Variants in LOC112694756 observed in about 807,000 individuals in gnomAD.
chr16:30,068,841 T>A, the LOC112694756 span: 1 of 1,614,094 alleles, frequency 6.2e-7, no homozygotes, highest in Non-Finnish European at 8.5e-7. Context: ...GTCTGAGCGC[T>A]GTGCCCAGTA....
At chr16:30,054,859 G>A in the LOC112694756 span, 3 of 399,208 alleles carry the variant, frequency 7.5e-6, no homozygotes, top group East Asian at 3.6e-5. Context: ...CCCTGCCATC[G>A]TCTTCATCGC....
At chr16:30,067,025 C>CA in the LOC112694756 span, 3 of 1,576,524 alleles carry the variant, frequency 1.9e-6, no homozygotes, top group Non-Finnish European at 2.6e-6. Context: ...CAGCACCAGA[C>CA]AGAGTTAGGA....
the LOC112694756 span, chr16:30,066,760 G>A: frequency 9.3e-7 from 1 of 1,073,764 alleles, no homozygotes; most frequent in Non-Finnish European, 1.3e-6. Flanking sequence ...TGGCTCCGGG[G>A]TTGCTGTGTG....
At chr16:30,063,792 C>T in the LOC112694756 span, 4 of 399,294 alleles carry the variant, frequency 1.0e-5, no homozygotes, top group Admixed American at 1.3e-4. Context: ...GTGCCAGCTC[C>T]CCGACTGCCA....
chr16:30,058,822 CA>C, the LOC112694756 span: 1 of 389,634 alleles, frequency 2.6e-6, no homozygotes, highest in Non-Finnish European at 4.5e-6. Flanking sequence ...GGTTCTCATT[CA>C]TTCATTCATT....
chr16:30,067,722 T>C, the LOC112694756 span: 4 of 1,595,798 alleles, frequency 2.5e-6, no homozygotes, highest in East Asian at 8.9e-5. Flanking sequence ...AAATCCAGGT[T>C]AGTGAGGCAG....
the LOC112694756 span, chr16:30,068,996 C>T: frequency 6.2e-7 from 1 of 1,614,196 alleles, no homozygotes; most frequent in Non-Finnish European, 8.5e-7. Flanking sequence ...TGCAGGTCCT[C>T]AATAGGCAAC....
chr16:30,064,116 A>G, the LOC112694756 span: 1 of 396,244 alleles, frequency 2.5e-6, no homozygotes. Context: ...CAACGATTCT[A>G]TTTGAAGTTG....
the LOC112694756 span, chr16:30,070,197 T>C: frequency 6.2e-7 from 1 of 1,614,124 alleles, no homozygotes. Context: ...TCTTCGTCTC[T>C]AACCACGCCT....
the LOC112694756 span, chr16:30,069,284 G>T: frequency 6.2e-7 from 1 of 1,613,892 alleles, no homozygotes; most frequent in South Asian, 1.1e-5. Context: ...GCCTCACAGT[G>T]ACCCTGTCCC....
At chr16:30,068,487 C>CA in the LOC112694756 span, 5 of 800,638 alleles carry the variant, frequency 6.2e-6, no homozygotes, top group Admixed American at 2.0e-5. Flanking sequence ...GGGGCACGCC[C>CA]AGCTACCTAG....
chr16:30,053,733 G>C, the LOC112694756 span, among the ~76,000 whole-genome samples: 1 of 152,206 alleles, frequency 6.6e-6, no homozygotes. Context: ...ACGAGAAAAG[G>C]CATTTCCGGC....
At chr16:30,068,441 ATG>A in the LOC112694756 span, 1 of 656,886 alleles carries the variant, frequency 1.5e-6, no homozygotes, top group East Asian at 2.8e-5. Context: ...GATTAAGTAA[ATG>A]TGGGGGAAGA....
chr16:30,068,764 G>A, the LOC112694756 span: 1 of 1,614,222 alleles, frequency 6.2e-7, no homozygotes, highest in Non-Finnish European at 8.5e-7. Flanking sequence ...GCTGGGAGGA[G>A]TGGAAACCAC....
chr16:30,067,803 C>A, the LOC112694756 span: 2 of 890,434 alleles, frequency 2.2e-6, no homozygotes, highest in Non-Finnish European at 3.6e-6. Context: ...ATTTACTCGA[C>A]ATTTTTAATC....
the LOC112694756 span, chr16:30,069,612 TGAG>T: frequency 3.7e-6 from 6 of 1,613,942 alleles, no homozygotes; most frequent in East Asian, 2.2e-5. Flanking sequence ...AGTTTTCTCA[TGAG>T]GAGATTGCCA....
the LOC112694756 span, chr16:30,069,942 AGCCCTGCAGGCCTCT>A: frequency 6.2e-7 from 1 of 1,613,952 alleles, no homozygotes; most frequent in Non-Finnish European, 8.5e-7. Context: ...CCTACGGCCG[AGCCCTGCAGGCCTCT>A]GCCCTGAAGG....
At chr16:30,062,931 C>T in the LOC112694756 span, among the ~76,000 whole-genome samples, 2 of 151,806 alleles carry the variant, frequency 1.3e-5, no homozygotes, top group Non-Finnish European at 2.9e-5. Flanking sequence ...TCATCTGAGG[C>T]CAGGAGTTCC....
the LOC112694756 span, chr16:30,054,996 T>C: frequency 2.6e-6 from 1 of 388,838 alleles, no homozygotes; most frequent in Middle Eastern, 6.4e-4. Flanking sequence ...TGTCCCTTCA[T>C]CTGCAGGCTC....
Sources: gnomAD v4.1 joint callset for allele counts (sites outside exome capture counted in the v4.1 genomes callset) on GRCh38, gnomAD v4.1.1 for gene constraint, MANE v1.5 for transcripts.